Variants in LARP1B observed in about 807,000 individuals in gnomAD.
LARP1B encodes La ribonucleoprotein 1B, also known as la-related protein 1B.
In LARP1B, 76 loss-of-function variants were observed where a neutral mutation model predicts 114.2. The observed-to-expected ratio is 0.67, with a 90% CI of 0.55 to 0.81. LARP1B has a LOEUF of 0.81. Ranked by LOEUF, LARP1B falls within the 30% of genes least tolerant of loss-of-function variation. LARP1B has a pLI of 0.00. For missense variants in LARP1B, 1,014 were observed against 1,075.8 expected, an observed-to-expected ratio of 0.94 and a Z score of 0.80; for synonymous variants, 345 against 348.0, an observed-to-expected ratio of 0.99 and a Z score of 0.10.
At chr4:128,207,993 G>A (rs1463447244) in intron 19 of LARP1B, among the ~76,000 whole-genome samples, 4 of 152,166 alleles carry the variant, frequency 2.6e-5, no homozygotes, top group African/African-American at 7.2e-5. Context: ...TGTCACGAAT[G>A]TAAGAAGATA....
At chr4:128,073,583 T>G (rs1456745458) in intron 1 of LARP1B, among the ~76,000 whole-genome samples, 7 of 23,994 alleles carry the variant, frequency 2.9e-4, no homozygotes, top group African/African-American at 7.1e-4. Context: ...TTTTTTTTTT[T>G]TTTTTTTTTT....
Position 128,107,241 on chromosome 4 carries a change from C to T in LARP1B, c.916C>T (p.Pro306Ser). The part of the protein sequence containing the change: ...PIPGPPPRSV[P>S]PTDFSQLIDC... ...TCCAGGCCCTCCTCCACGCAGTGTGCCACCAACAGACTTCTCTCAACTGAT... is the reference window on the plus strand; with the variant it reads ...TCCAGGCCCTCCTCCACGCAGTGTGTCACCAACAGACTTCTCTCAACTGAT... Residue 306 changes from proline to serine, a missense_variant, in exon 9 of 20, where the codon CCA becomes TCA. Pro to Ser is a moderately conservative substitution (Grantham distance 74). Transcript: ENST00000326639. The T allele has an allele frequency of 6.2e-7, 1 of 1,614,036 alleles. No individual in the cohort carries two copies. Among genetic ancestry groups the T allele is most frequent in the Non-Finnish European group, 8.5e-7 (1 of 1,179,904 alleles).
chr4:128,062,993 G>T (rs1760871673), intron 1 of LARP1B, among the ~76,000 whole-genome samples: 1 of 152,164 alleles, frequency 6.6e-6, no homozygotes, highest in African/African-American at 2.4e-5. Flanking sequence ...AGCGTGGATT[G>T]CACGTTAGGT....
At chr4:128,201,421 G>A (rs1331436701) in intron 17 of LARP1B, among the ~76,000 whole-genome samples, 1 of 152,168 alleles carries the variant, frequency 6.6e-6, no homozygotes, top group African/African-American at 2.4e-5. Context: ...ATTGATATGT[G>A]CTTAGAGCCA....
chr4:128,106,009 C>T (rs944851812), intron 8 of LARP1B, among the ~76,000 whole-genome samples: 8 of 151,738 alleles, frequency 5.3e-5, no homozygotes, highest in African/African-American at 1.9e-4. Context: ...AAAATCTGTT[C>T]ATTTCTGAAT....
chr4:128,125,718 C>G (rs1053376729), intron 11 of LARP1B, among the ~76,000 whole-genome samples: 2 of 152,102 alleles, frequency 1.3e-5, no homozygotes, highest in East Asian at 3.9e-4. Context: ...TGCATTCCAG[C>G]CTTGTGACAG....
rs201008623 is a variant in LARP1B at position 128,175,993 on chromosome 4, A to G, written c.1649-879A>G. The stretch of plus-strand genomic sequence containing the variant: ...CTCTTTCTGGGTTGTTACTGTTCCT[A>G]GATCTTTGAAAATTTCTTTCACAAA... On this transcript the variant is annotated intron_variant, in intron 12 of 19. Transcript: ENST00000326639. 4.0e-5 allele frequency among the ~76,000 whole-genome samples: 6 copies of G among 151,488 alleles called. No homozygotes were observed. The East Asian group carries it at 9.7e-4, about 24-fold the overall frequency.
chr4:128,117,472 C>A (rs1786274665), intron 10 of LARP1B, among the ~76,000 whole-genome samples: 1 of 151,612 alleles, frequency 6.6e-6, no homozygotes, highest in African/African-American at 2.4e-5. Context: ...TACAACTTTC[C>A]CCTCCCGGGT....
intron 10 of LARP1B, among the ~76,000 whole-genome samples, chr4:128,118,175 C>G (rs1418931480): frequency 6.8e-6 from 1 of 147,536 alleles, no homozygotes; most frequent in South Asian, 2.1e-4. Context: ...ATCCACCCAC[C>G]TCGATCTTTC....
intron 4 of LARP1B, among the ~76,000 whole-genome samples, chr4:128,078,958 C>T (rs1769077325): frequency 6.6e-6 from 1 of 152,114 alleles, no homozygotes; most frequent in Non-Finnish European, 1.5e-5. Context: ...TTTTGAATAC[C>T]ATGGGAAACC....
intron 12 of LARP1B, among the ~76,000 whole-genome samples, chr4:128,175,080 A>G (rs1473741442): frequency 6.6e-6 from 1 of 152,066 alleles, no homozygotes; most frequent in Non-Finnish European, 1.5e-5. Context: ...GAAACTGGTT[A>G]ATTTGTTGAA....
At chr4:128,172,621 A>C (rs931606547) in intron 12 of LARP1B, among the ~76,000 whole-genome samples, 1 of 151,910 alleles carries the variant, frequency 6.6e-6, no homozygotes, top group Non-Finnish European at 1.5e-5. Context: ...TGAACCCGGG[A>C]GGTAGAGGTT....
intron 7 of LARP1B, among the ~76,000 whole-genome samples, chr4:128,095,067 T>C (rs1185804588): frequency 6.6e-6 from 1 of 152,200 alleles, no homozygotes; most frequent in African/African-American, 2.4e-5. Context: ...TTTAGAATTT[T>C]AACACATGTA....
intron 9 of LARP1B, chr4:128,107,946 G>A (rs1046607189): frequency 3.9e-6 from 6 of 1,534,378 alleles, no homozygotes; most frequent in Non-Finnish European, 5.2e-6. Flanking sequence ...TGGAATAGGT[G>A]ACTCACTGAA....
chr4:128,107,434 A>T, intron 9 of LARP1B, 121 bp downstream of exon 9: 3 of 1,509,320 alleles, frequency 2.0e-6, no homozygotes, highest in Non-Finnish European at 2.7e-6. Flanking sequence ...TAACTGAAAG[A>T]CTTTTGAGTC....
At position 128,210,018 on chromosome 4, in the gene LARP1B, A is replaced by T; in HGVS notation, c.2710A>T (p.Asn904Tyr). 6.2e-7 allele frequency: 1 copy of T among 1,614,162 alleles called. No homozygotes were observed. Among genetic ancestry groups the T allele is most frequent in the South Asian group, 1.1e-5 (1 of 91,086 alleles). Residue 904 changes from asparagine (N) to tyrosine (Y), a missense_variant, in exon 20 of 20, where the codon AAT becomes TAT. By Grantham distance (143) the Asn-to-Tyr change is moderately radical (BLOSUM62 -2). Coordinates refer to ENST00000326639, the MANE Select transcript of LARP1B (RefSeq NM_018078.4). The part of the protein sequence containing the change: ...LQVPINSPRR[N>Y]ISPESSDNSH Reference sequence around the variant, plus strand: ...GGTACCAATAAACTCTCCCAGAAGGAATATTTCACCGGAGTCCAGTGACAA... The same window carrying T: ...GGTACCAATAAACTCTCCCAGAAGGTATATTTCACCGGAGTCCAGTGACAA...
intron 7 of LARP1B, 34 bp downstream of exon 7, chr4:128,091,546 G>A (rs1401175079): frequency 2.0e-6 from 3 of 1,520,102 alleles, no homozygotes; most frequent in South Asian, 1.3e-5. Context: ...AGACGGGATA[G>A]CAAAATCTGT....
intron 1 of LARP1B, among the ~76,000 whole-genome samples, chr4:128,062,709 A>G (rs1355937739): frequency 6.9e-6 from 1 of 144,108 alleles, no homozygotes; most frequent in East Asian, 2.1e-4. Flanking sequence ...AGGTTTTCAA[A>G]ACACTGCTGA....
downstream of LARP1B, among the ~76,000 whole-genome samples, chr4:128,212,860 T>C (rs1024531802): frequency 4.0e-5 from 6 of 151,636 alleles, no homozygotes; most frequent in African/African-American, 1.2e-4. Flanking sequence ...ACACCAATTA[T>C]GATAAATCTT....
Sources: allele counts gnomAD v4.1 joint callset (sites outside exome capture counted in the v4.1 genomes callset), GRCh38; gene constraint gnomAD v4.1.1; transcripts MANE v1.5; gene names NCBI Gene and HGNC (gene_info 2026-07-23, HGNC 2026-07-21).